Variants in SLCO4A1 observed in about 807,000 individuals in gnomAD.
SLCO4A1 encodes solute carrier organic anion transporter family member 4A1, also known as colon organic anion transporter.
SLCO4A1 carries 51 observed loss-of-function variants against 64.6 expected under a neutral mutation model. The ratio of observed to expected loss-of-function variants is 0.79; its 90% CI spans 0.63 to 1.00. The LOEUF (loss-of-function observed/expected upper bound fraction) is 1.00. Among genes scored for constraint, SLCO4A1 ranks in the 50% least tolerant of loss-of-function variants. The pLI is 0.00. For missense variants in SLCO4A1, 919 were observed against 980.5 expected (o/e 0.94, Z 0.84); for synonymous variants, 471 against 444.9 (o/e 1.06, Z -0.74).
intron 1 of SLCO4A1, chr20:62,650,693 C>T (rs140610091): frequency 8.5e-5 from 13 of 152,314 alleles, no homozygotes; most frequent in Non-Finnish European, 1.6e-4. Context: ...AACTGATGAC[C>T]GAGACCAGGA....
chr20:62,672,440 C>T, downstream of SLCO4A1: 1 of 229,220 alleles, frequency 4.4e-6, no homozygotes, highest in African/African-American at 2.3e-5. Context: ...CGTAAGTCGG[C>T]CTTCCTTATC....
In SLCO4A1 at chr20:62,656,944, G is replaced by A. The variant is rs370916017; in HGVS notation, c.490G>A (p.Gly164Arg). 5.1e-6 allele frequency: 8 copies of A among 1,563,552 alleles called. No homozygotes were observed. In the Admixed American group the frequency reaches 1.0e-4, roughly 20 times the overall value. The change falls in exon 2 of 12, where the codon GGG (glycine) becomes AGG (arginine). Residue 164 changes from glycine to arginine, a missense_variant. Physicochemically the swap from Gly to Arg is moderately radical, Grantham distance 125. Transcript: ENST00000217159. Reference sequence around the variant, plus strand: ...CTGCCTCACCTTCGTCAGCTACTTCGGGGGCTCAGGGCACAAGCCGCGCTG... The same window carrying A: ...CTGCCTCACCTTCGTCAGCTACTTCAGGGGCTCAGGGCACAAGCCGCGCTG... The part of the protein sequence containing the change: ...CLCLTFVSYF[G>R]GSGHKPRWLG...
chr20:62,661,040 C>CCCCCCCCCCCCCCCCCCAA lies in SLCO4A1; in HGVS notation c.1010-23_1010-22insCCCCCCCCCCCCCCCCAAC. On this transcript the variant is annotated intron_variant, in intron 4 of 11. Coordinates refer to ENST00000217159, the MANE Select transcript of SLCO4A1 (RefSeq NM_016354.4). The surrounding 1 kb of genome is among the most constrained non-coding windows in gnomAD (Gnocchi z 5.2). ...CTCCGGGAGCCCCCAGCCCCCAGCCCCAGCTCACTCTGTGCCCTTCCAGGC... is the reference window on the plus strand; with the variant it reads ...CTCCGGGAGCCCCCAGCCCCCAGCCCCCCCCCCCCCCCCCCCCAACAGCTCACTCTGTGCCCTTCCAGGC... 7.2e-7 allele frequency: 1 copy of CCCCCCCCCCCCCCCCCCAA among 1,395,920 alleles called. No homozygotes were observed. The highest frequency in any genetic ancestry group is 2.3e-5 in the East Asian group (1 of 43,742). 86.5% of individuals were successfully genotyped at this position (1,395,920 alleles called of 1,614,324 possible).
At chr20:62,671,667 G>C in intron 11 of SLCO4A1, 83 bp from the exon 12 acceptor site, 1 of 1,336,630 alleles carries the variant, frequency 7.5e-7, no homozygotes, top group South Asian at 1.3e-5. Flanking sequence ...GCTGGGGCAG[G>C]GACAGGACTG....
intron 1 of SLCO4A1, among the ~76,000 whole-genome samples, chr20:62,653,072 G>A (rs1982903011): frequency 6.6e-6 from 1 of 152,234 alleles, no homozygotes; most frequent in Admixed American, 6.5e-5. Flanking sequence ...GTACACAGCT[G>A]GTGCTCAGTG....
chr20:62,643,235 G>A (rs1980717842), intron 1 of SLCO4A1: 3 of 342,126 alleles, frequency 8.8e-6, no homozygotes, highest in South Asian at 4.3e-5. Flanking sequence ...CGCCCTCCAG[G>A]TGCAGGCAGA....
rs1267364981 is a variant in SLCO4A1, at chr20:62,657,132, C to T, written c.678C>T (p.Tyr226=). The change falls in exon 2 of 12, where the codon TAC becomes TAT. Residue 226 remains tyrosine (Y), a synonymous_variant. Transcript: ENST00000217159. ...CADSTSGLSR[Y]QLVFMLGQFL... ...ACAGCACCTCGGGCCTGTCCCGCTA[C>T]CAGCTGGTCTTCATGCTGGGCCAGT... The T allele has an allele frequency of 6.4e-7, 1 of 1,572,226 alleles. No individual in the cohort carries two copies. The highest frequency in any genetic ancestry group is 1.1e-5 in the South Asian group (1 of 87,214).
chr20:62,643,610 T>TAGTTTTCCACATCCATGCAAC (rs1383152565), intron 1 of SLCO4A1, among the ~76,000 whole-genome samples: 1 of 152,252 alleles, frequency 6.6e-6, no homozygotes. Flanking sequence ...CTGCTGCTCC[T>TAGTTTTCCACATCCATGCAAC]CAGCTGTGGT....
intron 1 of SLCO4A1, among the ~76,000 whole-genome samples, 173 bp from the exon 2 acceptor site, chr20:62,656,186 A>G (rs1241130405): frequency 2.0e-5 from 3 of 152,234 alleles, no homozygotes; most frequent in African/African-American, 7.2e-5. Flanking sequence ...GCTGGGAGAC[A>G]CAGTGCCTGG....
At chr20:62,675,975 C>T (rs1352455978), downstream of SLCO4A1, among the ~76,000 whole-genome samples, 1 of 152,162 alleles carries the variant, frequency 6.6e-6, no homozygotes, top group Non-Finnish European at 1.5e-5. Flanking sequence ...AGAGATTTTC[C>T]ACGGCTGCTG....
In SLCO4A1 at chr20:62,660,455, T is replaced by TG. The variant is rs1340859445; in HGVS notation, c.934dup (p.Val312GlyfsTer241). On this transcript the variant is annotated frameshift_variant, in exon 4 of 12. Transcript: ENST00000217159. LOFTEE classifies it high-confidence loss of function. ...GAGCCCACTGTGGGTCGGCGCCTGGTGGGTCGGCTTCCTGGGCTCTGGGGC... is the reference window on the plus strand; with the variant it reads ...GAGCCCACTGTGGGTCGGCGCCTGGTGGGGTCGGCTTCCTGGGCTCTGGGGC... 1.9e-6 allele frequency: 3 copies of TG among 1,601,318 alleles called. No individual in the cohort carries two copies. The highest frequency in any genetic ancestry group is 2.5e-6 in the Non-Finnish European group (3 of 1,179,816).
intron 1 of SLCO4A1, chr20:62,651,139 CGCCCCA>C (rs1427244683): frequency 6.6e-6 from 1 of 152,294 alleles, no homozygotes; most frequent in Non-Finnish European, 1.5e-5. Flanking sequence ...CCAGGCCAGA[CGCCCCA>C]TCATAGCCAG....
At position 62,661,834 on chromosome 20, in the gene SLCO4A1, C is replaced by T. The variant is rs1210288207; in HGVS notation, c.1121+659C>T. On this transcript the variant is annotated intron_variant, in intron 5 of 11. Transcript: ENST00000217159. The surrounding 1 kb of genome is among the most constrained non-coding windows in gnomAD (Gnocchi z 5.2). ...TCTTGCTGCACTGCTAGGGTGAACC[C>T]GGGGCCCTGAGCCGGTGGGGTCCTA... Among the ~76,000 whole-genome samples, 1 of 151,758 alleles carries T rather than the reference C, an allele frequency of 6.6e-6. No individual in the cohort carries two copies. The highest frequency in any genetic ancestry group is 1.5e-5 in the Non-Finnish European group (1 of 67,894).
intron 3 of SLCO4A1, among the ~76,000 whole-genome samples, chr20:62,659,366 G>C (rs1984351610): frequency 6.6e-6 from 1 of 152,166 alleles, no homozygotes; most frequent in African/African-American, 2.4e-5. Context: ...TCCTGCACTT[G>C]TGAAGTTTCC....
intron 1 of SLCO4A1, among the ~76,000 whole-genome samples, chr20:62,643,469 G>A (rs1980771126): frequency 6.6e-6 from 1 of 152,274 alleles, no homozygotes; most frequent in South Asian, 2.1e-4. Context: ...GAACCCTCAG[G>A]CTGGGGGGTG....
chr20:62,653,051 G>C (rs913792969), intron 1 of SLCO4A1, among the ~76,000 whole-genome samples: 1 of 152,252 alleles, frequency 6.6e-6, no homozygotes, highest in African/African-American at 2.4e-5. Context: ...TGAGGCCTGG[G>C]ACGGTGCCTG....
At chr20:62,689,540 G>A (rs1362975467), downstream of SLCO4A1, among the ~76,000 whole-genome samples, 1 of 152,238 alleles carries the variant, frequency 6.6e-6, no homozygotes, top group Non-Finnish European at 1.5e-5. Flanking sequence ...CCCTACGGGG[G>A]ACGTGGCAGA....
intron 1 of SLCO4A1, among the ~76,000 whole-genome samples, 188 bp from the exon 2 acceptor site, chr20:62,656,171 C>G: frequency 6.6e-6 from 1 of 152,248 alleles, no homozygotes; most frequent in East Asian, 1.9e-4. Flanking sequence ...CGCAGCGGAG[C>G]TGTGGCTGGG....
chr20:62,659,436 C>T lies in SLCO4A1; in HGVS notation c.887+669C>T, dbSNP rs1465621167. On this transcript the variant is annotated intron_variant, in intron 3 of 11. Coordinates refer to ENST00000217159, the MANE Select transcript of SLCO4A1 (RefSeq NM_016354.4). ...ACCTTGGGACTCTTTCTGCAGATGG[C>T]GCCTCTCCTGGAGGTCTCTAGCACT... Among the ~76,000 whole-genome samples the T allele has an allele frequency of 3.9e-5, 6 of 152,152 alleles. No homozygotes were observed. In the East Asian group the frequency reaches 5.8e-4, roughly 15 times the overall value.
Sources: allele counts gnomAD v4.1 joint callset (sites outside exome capture counted in the v4.1 genomes callset), GRCh38; gene constraint gnomAD v4.1.1; non-coding constraint Gnocchi (gnomAD v3.1); transcripts MANE v1.5; gene names NCBI Gene and HGNC (gene_info 2026-07-23, HGNC 2026-07-21).